ZFP37: variants seen among roughly 807,000 people sequenced by gnomAD.
ZFP37 encodes zinc finger protein 37 homolog.
A neutral mutation model predicts 52.1 loss-of-function variants in ZFP37; 38 were observed. That is an observed-to-expected ratio of 0.73 (90% CI 0.56 to 0.96). The LOEUF is 0.96. Among genes scored for constraint, ZFP37 ranks in the 40% least tolerant of loss-of-function variants. ZFP37 has a pLI of 0.00. For missense variants in ZFP37, 695 were observed against 741.4 expected, an observed-to-expected ratio of 0.94 and a Z score of 0.73; for synonymous variants, 253 against 259.5, an observed-to-expected ratio of 0.98 and a Z score of 0.24.
Position 113,042,736 on chromosome 9 carries a change from A to C in ZFP37, c.1882T>G (p.Ser628Ala), listed in dbSNP as rs1564342575. ...TTCCCACATTAACTTCACTCATGAG[A>C]TTTATCTTCTGAATGAGTTTTCACA... The part of the protein sequence containing the change: ...KHVKTHSEDK[S>A]HE The change falls in exon 4 of 4, where the codon TCT becomes GCT. Residue 628 changes from serine (S) to alanine (A), a missense_variant. Around this residue, in one of 2 missense-constraint regions of ZFP37, gnomAD observed 326 missense variants for 400.5 expected, o/e 0.81. Transcript: ENST00000374227. 1.9e-6 allele frequency: 3 copies of C among 1,566,894 alleles called. No individual in the cohort carries two copies. Among genetic ancestry groups the C allele is most frequent in the Non-Finnish European group, 2.6e-6 (3 of 1,158,488 alleles).
chr9:113,056,462 C>A, intron 1 of ZFP37, 95 bp downstream of exon 1: 1 of 1,546,576 alleles, frequency 6.5e-7, no homozygotes. Flanking sequence ...TCCACCAATT[C>A]CCAAATCACC....
Position 113,039,015 on chromosome 9 carries a change from TTAAA to T in ZFP37, c.*3706_*3709del, listed in dbSNP as rs1166740767. On this transcript the variant is annotated 3_prime_UTR_variant, in exon 4 of 4. Coordinates refer to ENST00000374227, the MANE Select transcript of ZFP37 (RefSeq NM_003408.3). ...ATAATAAAGAATTATTTGTATCTTC[TTAAA>T]TATAGTTTGAAATTGTGGTTTTTAA... 6.6e-6 allele frequency: 1 copy of T among 152,196 alleles called. No homozygotes were observed. The highest frequency in any genetic ancestry group is 2.4e-5 in the African/African-American group (1 of 41,444). The allele number at this position is 152,196 out of a possible 1,614,324, so 9.4% of individuals were successfully genotyped here.
At position 113,042,979 on chromosome 9, in the gene ZFP37, A is replaced by T; in HGVS notation, c.1639T>A (p.Cys547Ser). Reference sequence around the variant, plus strand: ...CTAAAGGCTTTCCCACATTCATTACACTCATACGGTTTCTCTCCAGTATGA... The same window carrying T: ...CTAAAGGCTTTCCCACATTCATTACTCTCATACGGTTTCTCTCCAGTATGA... ...RVHTGEKPYE[C>S]NECGKAFSQK... The change falls in exon 4 of 4, where the codon TGT (cysteine) becomes AGT (serine). Residue 547 changes from cysteine to serine, a missense_variant. By Grantham distance (112) the Cys-to-Ser change is moderately radical. Transcript: ENST00000374227. The T allele has an allele frequency of 6.2e-7, 1 of 1,613,896 alleles. No homozygotes were observed. The highest frequency in any genetic ancestry group is 8.5e-7 in the Non-Finnish European group (1 of 1,179,936).
At chr9:113,051,438 T>C (rs960121649) in intron 1 of ZFP37, among the ~76,000 whole-genome samples, 1 of 152,062 alleles carries the variant, frequency 6.6e-6, no homozygotes, top group African/African-American at 2.4e-5. Context: ...CCAAATTTTT[T>C]TTCCTTCTTT....
chr9:113,056,405 C>T (rs555971635), intron 1 of ZFP37, 152 bp downstream of exon 1: 4 of 1,294,308 alleles, frequency 3.1e-6, no homozygotes, highest in Non-Finnish European at 3.2e-6. Flanking sequence ...ATTAACCCCA[C>T]AGATAACTCA....
rs544965705 is a variant in ZFP37 at position 113,041,672 on chromosome 9, A to G, written c.*1053T>C. On this transcript the variant is annotated 3_prime_UTR_variant, in exon 4 of 4. Coordinates refer to ENST00000374227, the MANE Select transcript of ZFP37 (RefSeq NM_003408.3). ...TGATAGAAAAAGTCTTTATGAATTC[A>G]ACATCAAGTTTCATACTATATACTT... The G allele has an allele frequency of 6.6e-6, 1 of 152,368 alleles. No homozygotes were observed. The highest frequency in any genetic ancestry group is 2.4e-5 in the African/African-American group (1 of 41,598). The allele number at this position is 152,368 out of a possible 1,614,324, so 9.4% of individuals were successfully genotyped here.
At chr9:113,050,851 C>T (rs1372520404) in intron 1 of ZFP37, among the ~76,000 whole-genome samples, 1 of 150,612 alleles carries the variant, frequency 6.6e-6, no homozygotes, top group African/African-American at 2.4e-5. Context: ...GAGCCAAGAT[C>T]AAGCCATTGC....
Position 113,039,812 on chromosome 9 carries a change from G to A in ZFP37, c.*2913C>T, listed in dbSNP as rs1452849052. On this transcript the variant is annotated 3_prime_UTR_variant, in exon 4 of 4. Transcript: ENST00000374227. ...TATGCCCCTTCATTTTCTTAAAGAG[G>A]ATCTGAAAAACAGTTTAAAAATAAT... The A allele has an allele frequency of 6.6e-6, 1 of 152,044 alleles. No individual in the cohort carries two copies. The highest frequency in any genetic ancestry group is 1.5e-5 in the Non-Finnish European group (1 of 68,014). The allele number at this position is 152,044 out of a possible 1,614,324, so 9.4% of individuals were successfully genotyped here.
At chr9:113,054,146 T>C (rs1211700561) in intron 1 of ZFP37, among the ~76,000 whole-genome samples, 2 of 152,216 alleles carry the variant, frequency 1.3e-5, no homozygotes, top group East Asian at 1.9e-4. Flanking sequence ...AAAATAACCA[T>C]TGAGCTACAT....
chr9:113,044,801 G>T (rs1004542934), intron 3 of ZFP37, among the ~76,000 whole-genome samples: 2 of 151,996 alleles, frequency 1.3e-5, no homozygotes, highest in African/African-American at 4.8e-5. Context: ...CTTAAATTTA[G>T]AAATTATATA....
chr9:113,051,881 C>T (rs1431072858), intron 1 of ZFP37, among the ~76,000 whole-genome samples: 2 of 152,172 alleles, frequency 1.3e-5, no homozygotes, highest in Non-Finnish European at 2.9e-5. Flanking sequence ...TACAGACAGC[C>T]TTGCCTAATT....
chr9:113,046,758 C>A (rs1011644849), intron 3 of ZFP37, among the ~76,000 whole-genome samples: 1 of 152,126 alleles, frequency 6.6e-6, no homozygotes, highest in African/African-American at 2.4e-5. Context: ...CTTGGCCCAG[C>A]AAATTATTGG....
Position 113,049,379 on chromosome 9 carries a change from T to C in ZFP37, c.332A>G (p.Gln111Arg). 1 of 1,613,382 alleles carries C rather than the reference T, an allele frequency of 6.2e-7. No homozygotes were observed. Among genetic ancestry groups the C allele is most frequent in the Non-Finnish European group, 8.5e-7 (1 of 1,179,788 alleles). ...CAACTTACTTCCATCAGTTTCTTTT[T>C]GCTTGGGTCTTGCTATTTTACTTGG... ...GCPSKIARPK[Q>R]KETDGKVQKD... is the part of the protein sequence containing the mutation. Residue 111 changes from glutamine (Q) to arginine (R), a missense_variant, in exon 3 of 4, where the codon CAA becomes CGA. Physicochemically the swap from Gln to Arg is conservative, Grantham distance 43. This residue lies in a region of ZFP37 where 369 missense variants were observed against 340.9 expected (regional missense o/e 1.08). Transcript: ENST00000374227.
chr9:113,053,407 T>C (rs761633777), intron 1 of ZFP37, among the ~76,000 whole-genome samples: 1 of 152,154 alleles, frequency 6.6e-6, no homozygotes, highest in Non-Finnish European at 1.5e-5. Flanking sequence ...AATCCAACTC[T>C]CCTCTTAATC....
intron 3 of ZFP37, among the ~76,000 whole-genome samples, chr9:113,046,814 T>C (rs1828965648): frequency 6.6e-6 from 1 of 152,068 alleles, no homozygotes; most frequent in Non-Finnish European, 1.5e-5. Context: ...AAGTAGTATA[T>C]AAGAACCTGA....
rs1355638146 is a variant in ZFP37, at chr9:113,042,457, A to T, written c.*268T>A. 3.3e-6 allele frequency: 1 copy of T among 304,398 alleles called. No homozygotes were observed. The highest frequency in any genetic ancestry group is 2.2e-5 in the African/African-American group (1 of 45,938). 18.9% of individuals were successfully genotyped at this position (304,398 alleles called of 1,614,324 possible). The stretch of plus-strand genomic sequence containing the variant: ...TGCTTTGAATATTCAAATAATTCAC[A>T]ATTTTTAAAGCTTTCAATTTCAATC... On this transcript the variant is annotated 3_prime_UTR_variant, in exon 4 of 4. Transcript: ENST00000374227.
In ZFP37 at chr9:113,042,582, T is replaced by C. The variant is rs1308852140; in HGVS notation, c.*143A>G. 2 of 623,350 alleles carry C rather than the reference T, an allele frequency of 3.2e-6. No homozygotes were observed. Among genetic ancestry groups the C allele is most frequent in the African/African-American group, 1.9e-5 (1 of 53,134 alleles). 38.6% of individuals were successfully genotyped at this position (623,350 alleles called of 1,614,324 possible). A position where few individuals can be genotyped will look rare whatever the true frequency, so the allele number is the denominator to read the frequency against. ...AACCCTTGTTTCCATCCACTGATTC[T>C]ATATGAAGATCCATTTTCAAAGTTT... On this transcript the variant is annotated 3_prime_UTR_variant, in exon 4 of 4. Coordinates refer to ENST00000374227, the MANE Select transcript of ZFP37 (RefSeq NM_003408.3).
intron 1 of ZFP37, 62 bp downstream of exon 1, chr9:113,056,495 C>A: frequency 6.3e-7 from 1 of 1,594,786 alleles, no homozygotes; most frequent in Non-Finnish European, 8.5e-7. Context: ...CTACTCCAAT[C>A]ACTGCCCCGC....
At chr9:113,047,466 T>C (rs1828976985) in intron 3 of ZFP37, among the ~76,000 whole-genome samples, 1 of 151,958 alleles carries the variant, frequency 6.6e-6, no homozygotes, top group Admixed American at 6.6e-5. Flanking sequence ...GTAAGATCAA[T>C]TAAAGCTGGG....
Sources: allele counts gnomAD v4.1 joint callset (sites outside exome capture counted in the v4.1 genomes callset), GRCh38; gene constraint gnomAD v4.1.1; regional missense constraint gnomAD v4.1.1; transcripts MANE v1.5; gene names NCBI Gene and HGNC (gene_info 2026-07-23, HGNC 2026-07-21).